Variants in SH3PXD2A observed in about 807,000 individuals in gnomAD.
The protein encoded by SH3PXD2A is SH3 and PX domain-containing protein 2A.
Under a neutral mutation model 115.2 loss-of-function variants are expected in SH3PXD2A, and 32 were observed. The ratio of observed to expected loss-of-function variants is 0.28; its 90% confidence interval spans 0.21 to 0.37. SH3PXD2A has a LOEUF of 0.37. Ranked by LOEUF, SH3PXD2A falls within the 10% of genes least tolerant of loss-of-function variation. The pLI is 1.00. For missense variants in SH3PXD2A, 1,328 were observed against 1,498.7 expected (o/e 0.89, Z 1.88); for synonymous variants, 610 against 629.1 (o/e 0.97, Z 0.45).
intron 3 of SH3PXD2A, among the ~76,000 whole-genome samples, chr10:103,758,555 C>T (rs2038667034): frequency 6.6e-6 from 1 of 152,204 alleles, no homozygotes; most frequent in African/African-American, 2.4e-5. Flanking sequence ...TCACCAGTGA[C>T]CACAGCTGGC....
intron 3 of SH3PXD2A, among the ~76,000 whole-genome samples, chr10:103,757,371 G>A (rs1178986681): frequency 5.9e-5 from 9 of 152,284 alleles, no homozygotes; most frequent in East Asian, 1.9e-4. Flanking sequence ...CATTTTCTGC[G>A]TCTTAGATGA....
At chr10:103,837,890 G>C (rs1013450376) in intron 1 of SH3PXD2A, among the ~76,000 whole-genome samples, 4 of 152,178 alleles carry the variant, frequency 2.6e-5, no homozygotes, top group African/African-American at 9.7e-5. Context: ...GCAGGAAAGA[G>C]TGGGAAAGGC....
chr10:103,669,747 C>T lies in SH3PXD2A; in HGVS notation c.428-1095G>A, dbSNP rs551864386. Among the ~76,000 whole-genome samples the T allele has an allele frequency of 6.5e-4, 99 of 152,344 alleles. 2 individuals are homozygous for T. The highest frequency in any genetic ancestry group is 1.1e-3 in the Admixed American group (17 of 15,310). ...TGCAGTGGGGACAATTAAAAGGCAA[C>T]GCTGAATTGCAGGTCTGAGAGACAA... On this transcript the variant is annotated intron_variant, in intron 6 of 14. Transcript: ENST00000369774.
At chr10:103,731,714 C>T (rs1289448191) in intron 4 of SH3PXD2A, among the ~76,000 whole-genome samples, 1 of 152,204 alleles carries the variant, frequency 6.6e-6, no homozygotes, top group Non-Finnish European at 1.5e-5. Context: ...CAACATTACT[C>T]TCCTCAAGGG....
chr10:103,725,707 T>C lies in SH3PXD2A; in HGVS notation c.307-1346A>G, dbSNP rs147946193. 9.0e-3 allele frequency among the ~76,000 whole-genome samples: 1,366 copies of C among 152,164 alleles called. 12 individuals are homozygous for C. Among genetic ancestry groups the C allele is most frequent in the African/African-American group, 0.028 (1,151 of 41,520 alleles). On this transcript the variant is annotated intron_variant, in intron 4 of 14. Transcript: ENST00000369774. ...CCAGTGTGGTGGAGGGCGCCTGTAA[T>C]GCCAGCTACTCGGGAGGCTGATGCA... is the stretch of plus-strand genomic sequence containing the variant.
At chr10:103,834,726 A>G (rs925578336) in intron 1 of SH3PXD2A, among the ~76,000 whole-genome samples, 3 of 152,188 alleles carry the variant, frequency 2.0e-5, no homozygotes, top group Non-Finnish European at 4.4e-5. Flanking sequence ...CAACTCTAGG[A>G]GTTGGTGCTA....
chr10:103,763,128 A>G (rs1657198747), intron 3 of SH3PXD2A, among the ~76,000 whole-genome samples: 1 of 151,988 alleles, frequency 6.6e-6, no homozygotes, highest in South Asian at 2.1e-4. Flanking sequence ...CATGTGTGAG[A>G]TTTTCTGCCA....
intron 1 of SH3PXD2A, among the ~76,000 whole-genome samples, chr10:103,848,771 C>G (rs1298177548): frequency 6.6e-6 from 1 of 152,104 alleles, no homozygotes; most frequent in Non-Finnish European, 1.5e-5. Context: ...CCTGGAAACT[C>G]CAGTTCACAG....
chr10:103,637,286 G>A (rs2036881705), intron 8 of SH3PXD2A, among the ~76,000 whole-genome samples: 1 of 152,180 alleles, frequency 6.6e-6, no homozygotes, highest in African/African-American at 2.4e-5. Context: ...TCAGAGCTTG[G>A]AGTTTGGAAA....
chr10:103,770,469 G>A (rs974434456), intron 2 of SH3PXD2A, among the ~76,000 whole-genome samples: 4 of 152,232 alleles, frequency 2.6e-5, no homozygotes, highest in African/African-American at 4.8e-5. Flanking sequence ...CCAAAGCACT[G>A]ACATTACAGG....
At chr10:103,668,809 T>G (rs1400085327) in intron 6 of SH3PXD2A, among the ~76,000 whole-genome samples, 157 bp from the exon 7 acceptor site, 1 of 152,200 alleles carries the variant, frequency 6.6e-6, no homozygotes, top group African/African-American at 2.4e-5. Context: ...TTCCTGGCCC[T>G]GGGCTGGCTG....
At chr10:103,802,436 G>A (rs749030875) in intron 1 of SH3PXD2A, among the ~76,000 whole-genome samples, 6 of 152,298 alleles carry the variant, frequency 3.9e-5, no homozygotes, top group Middle Eastern at 6.8e-3. Flanking sequence ...CTGTCACCCC[G>A]GTTCCCAAGT....
chr10:103,721,141 C>A (rs1044964034), intron 5 of SH3PXD2A, among the ~76,000 whole-genome samples: 1 of 152,218 alleles, frequency 6.6e-6, no homozygotes, highest in South Asian at 2.1e-4. Context: ...AGGGACGGAA[C>A]GTGCACACAT....
chr10:103,799,089 C>T (rs1379252302), intron 2 of SH3PXD2A, among the ~76,000 whole-genome samples: 3 of 152,228 alleles, frequency 2.0e-5, no homozygotes, highest in African/African-American at 7.2e-5. Context: ...GTGAAGGAGC[C>T]TGTCCGGAGT....
At chr10:103,662,968 C>A (rs1223054581) in intron 7 of SH3PXD2A, among the ~76,000 whole-genome samples, 1 of 152,088 alleles carries the variant, frequency 6.6e-6, no homozygotes, top group African/African-American at 2.4e-5. Context: ...CCATACCCGG[C>A]TAATTTTTTT....
At chr10:103,828,520 G>A (rs2039453182) in intron 1 of SH3PXD2A, among the ~76,000 whole-genome samples, 3 of 152,188 alleles carry the variant, frequency 2.0e-5, no homozygotes, top group African/African-American at 7.2e-5. Context: ...AGGCTGCTTG[G>A]CCCTACAGAC....
chr10:103,693,086 G>C, intron 5 of SH3PXD2A, 30 bp from the exon 6 acceptor site: 1 of 1,610,064 alleles, frequency 6.2e-7, no homozygotes, highest in Non-Finnish European at 8.5e-7. Flanking sequence ...AGATAGACAT[G>C]GTTAGGGCCG....
chr10:103,617,069 CCAGCCCTGTGCCGTGGGCA>C, intron 11 of SH3PXD2A, 109 bp downstream of exon 11: 1 of 706,324 alleles, frequency 1.4e-6, no homozygotes, highest in Middle Eastern at 2.6e-4. Flanking sequence ...GTGCAGCAGC[CCAGCCCTGTGCCGTGGGCA>C]CAAAGCTGTC....
At chr10:103,688,880 A>G (rs998773140) in intron 6 of SH3PXD2A, among the ~76,000 whole-genome samples, 4 of 151,602 alleles carry the variant, frequency 2.6e-5, no homozygotes, top group African/African-American at 9.7e-5. Flanking sequence ...CTATTTATTT[A>G]TTTAGAGATA....
Sources: allele counts gnomAD v4.1 joint callset (sites outside exome capture counted in the v4.1 genomes callset), GRCh38; gene constraint gnomAD v4.1.1; transcripts MANE v1.5; gene names NCBI Gene and HGNC (gene_info 2026-07-23, HGNC 2026-07-21).